The following LRRN3 variants were observed in gnomAD, a reference collection of about 807,000 sequenced individuals.
The protein encoded by LRRN3 is leucine rich repeat neuronal 3, also known as leucine-rich repeat neuronal protein 3.
In LRRN3, 15 loss-of-function variants were observed where a neutral mutation model predicts 40.1. That is an observed-to-expected ratio of 0.37 (90% CI 0.25 to 0.58). The LOEUF is 0.58. Ranked by LOEUF, LRRN3 falls within the 20% of genes least tolerant of loss-of-function variation. The pLI is 0.72. For missense variants in LRRN3, 746 were observed against 837.7 expected, an observed-to-expected ratio of 0.89 and a Z score of 1.35; for synonymous variants, 308 against 297.2, an observed-to-expected ratio of 1.04 and a Z score of -0.37.
At chr7:111,115,808 G>C (rs1334450716) in intron 2 of LRRN3, among the ~76,000 whole-genome samples, 2 of 151,812 alleles carry the variant, frequency 1.3e-5, no homozygotes, top group East Asian at 1.9e-4. Context: ...GCTGGGACTA[G>C]AGATGTGCAC....
intron 2 of LRRN3, among the ~76,000 whole-genome samples, chr7:111,115,423 A>G (rs1799759969): frequency 6.6e-6 from 1 of 152,222 alleles, no homozygotes; most frequent in African/African-American, 2.4e-5. Flanking sequence ...GAATTTTCAT[A>G]AAAAATGACA....
rs1284706825 is a variant in LRRN3, at chr7:111,124,529, C to T, written c.1757C>T (p.Ser586Leu). The stretch of plus-strand genomic sequence containing the variant: ...TATAATCTTACTCATCTGAATCCAT[C>T]AACTGAGTATAAAATTTGTATTGAT... ...KVYNLTHLNP[S>L]TEYKICIDIP... Residue 586 changes from serine (S) to leucine (L), a missense_variant, in exon 3 of 3, where the codon TCA becomes TTA. By Grantham distance (145) the Ser-to-Leu change is moderately radical (BLOSUM62 -2). Transcript: ENST00000308478. The T allele has an allele frequency of 3.1e-6, 5 of 1,613,560 alleles. No individual in the cohort carries two copies. Among genetic ancestry groups the T allele is most frequent in the Admixed American group, 1.7e-5 (1 of 59,920 alleles).
intron 2 of LRRN3, among the ~76,000 whole-genome samples, chr7:111,103,077 G>A (rs1322570069): frequency 6.6e-6 from 1 of 151,286 alleles, no homozygotes; most frequent in Admixed American, 6.6e-5. Flanking sequence ...TCTCTTATTT[G>A]TACTCTAATT....
chr7:111,119,938 T>C (rs930795108), intron 2 of LRRN3, among the ~76,000 whole-genome samples: 2 of 152,286 alleles, frequency 1.3e-5, no homozygotes, highest in Non-Finnish European at 1.5e-5. Flanking sequence ...TATGAAAGAC[T>C]TCCCAGAGGG....
chr7:111,111,673 A>G (rs1311752110), intron 2 of LRRN3, among the ~76,000 whole-genome samples: 2 of 152,090 alleles, frequency 1.3e-5, no homozygotes, highest in East Asian at 3.9e-4. Context: ...CCCTGCGTCA[A>G]TAGTAATTTT....
At chr7:111,096,517 A>C (rs889135970) in intron 1 of LRRN3, among the ~76,000 whole-genome samples, 28 of 151,046 alleles carry the variant, frequency 1.9e-4, no homozygotes, top group African/African-American at 6.5e-4. Flanking sequence ...TTAAAAAAAA[A>C]AAAACAAAAC....
intron 2 of LRRN3, 96 bp downstream of exon 2, chr7:111,100,058 A>T (rs1797807442): frequency 1.3e-5 from 2 of 151,694 alleles, no homozygotes; most frequent in African/African-American, 4.8e-5. Context: ...CACTCATTGG[A>T]AAGGTCCTGA....
chr7:111,115,692 A>T (rs1356106107), intron 2 of LRRN3, among the ~76,000 whole-genome samples: 2 of 151,692 alleles, frequency 1.3e-5, no homozygotes. Context: ...TCTTAGACAG[A>T]CTCACACTCT....
At chr7:111,109,518 C>T (rs967928923) in intron 2 of LRRN3, among the ~76,000 whole-genome samples, 4 of 151,942 alleles carry the variant, frequency 2.6e-5, no homozygotes, top group Admixed American at 6.6e-5. Flanking sequence ...TATATATCTG[C>T]GACACAAAGC....
Position 111,122,715 on chromosome 7 carries a change from C to G in LRRN3, c.-58C>G. On this transcript the variant is annotated 5_prime_UTR_variant, in exon 3 of 3. Transcript: ENST00000308478. Reference sequence around the variant, plus strand: ...TATCAATCAGCTCCTATTGAACTTACTAGCACTGACTGTGGAATCCTTAAG... The same window carrying G: ...TATCAATCAGCTCCTATTGAACTTAGTAGCACTGACTGTGGAATCCTTAAG... 7.4e-7 allele frequency: 1 copy of G among 1,356,090 alleles called. No homozygotes were observed. The highest frequency in any genetic ancestry group is 1.3e-5 in the South Asian group (1 of 75,600). 84.0% of individuals were successfully genotyped at this position (1,356,090 alleles called of 1,614,324 possible).
chr7:111,105,343 G>A (rs79182900), intron 2 of LRRN3, among the ~76,000 whole-genome samples: 1,545 of 151,854 alleles, frequency 0.01, 28 homozygotes, highest in African/African-American at 0.034. Flanking sequence ...CAGAAACTCC[G>A]AAATTATGCA....
intron 2 of LRRN3, among the ~76,000 whole-genome samples, chr7:111,119,411 C>T (rs1457779555): frequency 6.6e-6 from 1 of 152,160 alleles, no homozygotes; most frequent in Non-Finnish European, 1.5e-5. Flanking sequence ...TGTTTTCCCT[C>T]TAGCTATTAA....
chr7:111,114,691 G>A (rs214874), intron 2 of LRRN3, among the ~76,000 whole-genome samples: 7,486 of 142,012 alleles, frequency 0.053, 333 homozygotes, highest in African/African-American at 0.13. Context: ...AGTGAGCCGA[G>A]ATCGCACCAC....
chr7:111,102,681 T>C (rs2129580474), intron 2 of LRRN3, among the ~76,000 whole-genome samples: 1 of 151,686 alleles, frequency 6.6e-6, no homozygotes, highest in East Asian at 1.9e-4. Context: ...GTTTGAAGTT[T>C]CATACCTATC....
At position 111,124,377 on chromosome 7, in the gene LRRN3, T is replaced by C. The variant is rs766168763; in HGVS notation, c.1605T>C (p.Asn535=). The C allele has an allele frequency of 3.7e-6, 6 of 1,613,664 alleles. No homozygotes were observed. The East Asian group carries it at 1.1e-4, about 30-fold the overall frequency. ...TTAAAATAAGAGATATTCAGGCCAA[T>C]TCAGTTTTGGTGTCCTGGAAAGCAA... The part of the protein sequence containing the change: ...LNIKIRDIQA[N]SVLVSWKASS... Residue 535 remains asparagine, a synonymous_variant, in exon 3 of 3, where the codon AAT becomes AAC. Coordinates refer to ENST00000308478, the MANE Select transcript of LRRN3 (RefSeq NM_001099658.2).
intron 2 of LRRN3, among the ~76,000 whole-genome samples, chr7:111,102,227 T>C (rs570242060): frequency 2.6e-5 from 4 of 151,700 alleles, no homozygotes; most frequent in Non-Finnish European, 5.9e-5. Flanking sequence ...GGGTATTTCA[T>C]AGCACATTGA....
Position 111,122,860 on chromosome 7 carries a change from C to G in LRRN3, c.88C>G (p.Pro30Ala). Residue 30 changes from proline (P) to alanine (A), a missense_variant, in exon 3 of 3, where the codon CCA (proline) becomes GCA (alanine). By Grantham distance (27) the Pro-to-Ala change is conservative. Coordinates refer to ENST00000308478, the MANE Select transcript of LRRN3 (RefSeq NM_001099658.2). Reference protein sequence around the residue: ...VQAVDKKVDCPRLCTCEIRPW... With the variant: ...VQAVDKKVDCARLCTCEIRPW... ...AGCTGTAGATAAAAAAGTGGATTGT[C>G]CACGGTTATGTACGTGTGAAATCAG... 6.2e-7 allele frequency: 1 copy of G among 1,613,898 alleles called. No individual in the cohort carries two copies. The highest frequency in any genetic ancestry group is 1.7e-5 in the Admixed American group (1 of 59,968).
chr7:111,104,278 A>C (rs1022638364), intron 2 of LRRN3, among the ~76,000 whole-genome samples: 1 of 151,560 alleles, frequency 6.6e-6, no homozygotes, highest in Non-Finnish European at 1.5e-5. Context: ...TCCTTCTCCC[A>C]CTCCCTCTGT....
chr7:111,107,524 G>A (rs1238693987), intron 2 of LRRN3, among the ~76,000 whole-genome samples: 1 of 151,936 alleles, frequency 6.6e-6, no homozygotes, highest in African/African-American at 2.4e-5. Context: ...TTGAAGAAGG[G>A]GCAATGGAAC....
Sources: allele counts gnomAD v4.1 joint callset (sites outside exome capture counted in the v4.1 genomes callset), GRCh38; gene constraint gnomAD v4.1.1; transcripts MANE v1.5; gene names NCBI Gene and HGNC (gene_info 2026-07-23, HGNC 2026-07-21).